SLC26A4: variants seen among roughly 807,000 people sequenced by gnomAD.
The protein encoded by SLC26A4 is pendrin.
Under a neutral mutation model 90.4 loss-of-function variants are expected in SLC26A4, and 93 were observed. That is an observed-to-expected ratio of 1.03 (90% CI 0.87 to 1.22). SLC26A4 has a LOEUF of 1.22. SLC26A4 is among the 50% of genes most tolerant of loss of function. The pLI, the probability that SLC26A4 is intolerant of heterozygous loss-of-function variation, is 0.00. For missense variants in SLC26A4, 1,127 were observed against 946.2 expected (o/e 1.19, Z -2.51); for synonymous variants, 393 against 354.6 (o/e 1.11, Z -1.22).
chr7:107,680,331 CTTA>C (rs1270277203), intron 6 of SLC26A4, among the ~76,000 whole-genome samples: 9 of 125,814 alleles, frequency 7.2e-5, no homozygotes, highest in Non-Finnish European at 1.0e-4. Flanking sequence ...ATAATCTTAT[CTTA>C]TTATATAATG....
At chr7:107,707,121 A>C (rs1792055568) in intron 18 of SLC26A4, among the ~76,000 whole-genome samples, 1 of 152,236 alleles carries the variant, frequency 6.6e-6, no homozygotes, top group Non-Finnish European at 1.5e-5. Flanking sequence ...TGGGTGACAG[A>C]GTGAGACCCT....
Position 107,715,429 on chromosome 7 carries a change from C to T in SLC26A4, c.2326C>T (p.Arg776Cys), listed in dbSNP as rs111033255. The change falls in exon 21 of 21, where the codon CGT becomes TGT. Residue 776 changes from arginine to cysteine, a missense_variant. Physicochemically the swap from Arg to Cys is radical, Grantham distance 180. Transcript: ENST00000644269. The part of the protein sequence containing the change: ...EELDVQDEAM[R>C]TLAS ...TTTCCCCTTGCTTCCACAGGCTATG[C>T]GTACACTTGCATCCTGAAAGTGGGT... 2.7e-3 allele frequency: 4,300 copies of T among 1,612,960 alleles called. 7 individuals carry two copies. Among genetic ancestry groups the T allele is most frequent in the Non-Finnish European group, 3.2e-3 (3,801 of 1,178,980 alleles).
rs1456064603 is a variant in SLC26A4, at chr7:107,717,668, A to G, written c.*2222A>G. 1.3e-5 allele frequency: 2 copies of G among 152,670 alleles called. No individual in the cohort carries two copies. Among genetic ancestry groups the G allele is most frequent in the African/African-American group, 2.4e-5 (1 of 41,468 alleles). The allele number at this position is 152,670 out of a possible 1,614,324, so 9.5% of individuals were successfully genotyped here. ...CTGCCTTTTGTTATATTTTTAACCT[A>G]TAGGATAAGATTCCAGTATTGTATA... On this transcript the variant is annotated 3_prime_UTR_variant, in exon 21 of 21. Transcript: ENST00000644269.
At chr7:107,674,044 G>A in intron 4 of SLC26A4, 120 bp from the exon 5 acceptor site, 1 of 1,086,130 alleles carries the variant, frequency 9.2e-7, no homozygotes, top group Non-Finnish European at 1.4e-6. Flanking sequence ...CTTCTTTCGT[G>A]AACAAACAAT....
intron 10 of SLC26A4, 95 bp downstream of exon 10, chr7:107,690,332 C>T: frequency 5.0e-6 from 4 of 804,332 alleles, no homozygotes; most frequent in Non-Finnish European, 8.8e-6. Context: ...GACAATTTGC[C>T]TTTCAGACTT....
In SLC26A4 at chr7:107,695,988, T is replaced by C; in HGVS notation, c.1493T>C (p.Leu498Ser). 1 of 1,613,156 alleles carries C rather than the reference T, an allele frequency of 6.2e-7. No homozygotes were observed. The highest frequency in any genetic ancestry group is 2.2e-5 in the East Asian group (1 of 44,872). Residue 498 changes from leucine (L) to serine (S), a missense_variant, in exon 13 of 21, where the codon TTA becomes TCA. Coordinates refer to ENST00000644269, the MANE Select transcript of SLC26A4 (RefSeq NM_000441.2). ...ATCATTCTGGGGCTGGATCTCGGTT[T>C]ACTAGCTGGCCTTATATTTGGACTG... ...VSIILGLDLGLLAGLIFGLLT... is the reference protein window; with the variant it reads ...VSIILGLDLGSLAGLIFGLLT...
chr7:107,711,785 T>G lies in SLC26A4; in HGVS notation c.2236-754T>G, dbSNP rs943281859. Among the ~76,000 whole-genome samples, 6 of 152,186 alleles carry G rather than the reference T, an allele frequency of 3.9e-5. No individual in the cohort carries two copies. The South Asian group carries it at 6.2e-4, about 16-fold the overall frequency. On this transcript the variant is annotated intron_variant, in intron 19 of 20. Transcript: ENST00000644269. Reference sequence around the variant, plus strand: ...TCACAGGACTATCTCAGGACACAACTTGTAGTTAGACTTATCCTCTACCTT... The same window carrying G: ...TCACAGGACTATCTCAGGACACAACGTGTAGTTAGACTTATCCTCTACCTT...
At position 107,696,047 on chromosome 7, in the gene SLC26A4, A is replaced by G. The variant is rs2129317169; in HGVS notation, c.1544+8A>G. On this transcript the variant is annotated splice_region_variant and intron_variant, in intron 13 of 20. Coordinates refer to ENST00000644269, the MANE Select transcript of SLC26A4 (RefSeq NM_000441.2). Reference sequence around the variant, plus strand: ...GGTCCTGAGAGTTCAGTTGTGAGTAACGTAAAACCCAGATTTCCTATAAAC... The same window carrying G: ...GGTCCTGAGAGTTCAGTTGTGAGTAGCGTAAAACCCAGATTTCCTATAAAC... 1 of 1,459,788 alleles carries G rather than the reference A, an allele frequency of 6.9e-7. No individual in the cohort carries two copies. The highest frequency in any genetic ancestry group is 2.3e-5 in the East Asian group (1 of 44,114). 90.4% of individuals were successfully genotyped at this position (1,459,788 alleles called of 1,614,324 possible).
intron 8 of SLC26A4, among the ~76,000 whole-genome samples, chr7:107,688,565 G>A (rs1283810521): frequency 1.3e-5 from 2 of 152,166 alleles, no homozygotes; most frequent in African/African-American, 2.4e-5. Context: ...GATTTTAAAT[G>A]TCCTGGCTCT....
intron 17 of SLC26A4, among the ~76,000 whole-genome samples, chr7:107,703,504 T>G (rs1473438541): frequency 2.0e-5 from 3 of 152,256 alleles, no homozygotes; most frequent in African/African-American, 7.2e-5. Flanking sequence ...TTAGCTCATT[T>G]GAAATCACTC....
intron 2 of SLC26A4, 28 bp from the exon 3 acceptor site, chr7:107,663,268 A>C (rs763399431): frequency 4.3e-6 from 7 of 1,614,130 alleles, no homozygotes; most frequent in Non-Finnish European, 5.9e-6. Flanking sequence ...GATTGGATTG[A>C]AAACCCAGTT....
intron 3 of SLC26A4, among the ~76,000 whole-genome samples, chr7:107,669,795 C>G (rs929057599): frequency 6.6e-6 from 1 of 152,194 alleles, no homozygotes; most frequent in Admixed American, 6.5e-5. Context: ...GAAGTCTCCT[C>G]TGATCCTACC....
At chr7:107,709,119 C>T (rs568891943) in intron 18 of SLC26A4, among the ~76,000 whole-genome samples, 7 of 152,224 alleles carry the variant, frequency 4.6e-5, no homozygotes, top group Non-Finnish European at 8.8e-5. Flanking sequence ...TGAAGTCCAG[C>T]GTAGATCCCT....
chr7:107,694,639 G>T lies in SLC26A4; in HGVS notation c.1360G>T (p.Val454Leu), dbSNP rs748069906. 1 of 1,613,442 alleles carries T rather than the reference G, an allele frequency of 6.2e-7. No individual in the cohort carries two copies. The highest frequency in any genetic ancestry group is 1.1e-5 in the South Asian group (1 of 91,078). Reference sequence around the variant, plus strand: ...TTGGCAGTCGGTCTTGGCAGCTGTTGTAATTGCCAACCTGAAAGGGATGTT... The same window carrying T: ...TTGGCAGTCGGTCTTGGCAGCTGTTTTAATTGCCAACCTGAAAGGGATGTT... ...PLQKSVLAAV[V>L]IANLKGMFMQ... The change falls in exon 12 of 21, where the codon GTA becomes TTA. Residue 454 changes from valine (V) to leucine (L), a missense_variant. Coordinates refer to ENST00000644269, the MANE Select transcript of SLC26A4 (RefSeq NM_000441.2).
intron 18 of SLC26A4, 77 bp downstream of exon 18, chr7:107,704,462 TTA>T: frequency 1.4e-6 from 1 of 693,290 alleles, no homozygotes. Flanking sequence ...TGTGGTCACA[TTA>T]TGTCTGAAGG....
chr7:107,685,574 C>T (rs1286789748), intron 8 of SLC26A4, among the ~76,000 whole-genome samples: 1 of 152,200 alleles, frequency 6.6e-6, no homozygotes, highest in Non-Finnish European at 1.5e-5. Flanking sequence ...TCCCCAATAA[C>T]AATGCCCCAT....
intron 18 of SLC26A4, among the ~76,000 whole-genome samples, chr7:107,709,443 G>C: frequency 6.6e-6 from 1 of 152,100 alleles, no homozygotes; most frequent in East Asian, 1.9e-4. Flanking sequence ...GCTAATTTTT[G>C]TATTTTTTTA....
chr7:107,699,967 T>C (rs1035494112), intron 14 of SLC26A4, 116 bp from the exon 15 acceptor site: 11 of 724,476 alleles, frequency 1.5e-5, no homozygotes, highest in Middle Eastern at 2.4e-4. Context: ...AGTTGAGTGC[T>C]GCTACCCAGC....
intron 13 of SLC26A4, among the ~76,000 whole-genome samples, chr7:107,697,537 C>G (rs1386064174): frequency 6.6e-6 from 1 of 152,186 alleles, no homozygotes; most frequent in East Asian, 1.9e-4. Context: ...ACAGGAAGGA[C>G]TTATTTCTGG....
Sources: allele counts gnomAD v4.1 joint callset (sites outside exome capture counted in the v4.1 genomes callset), GRCh38; gene constraint gnomAD v4.1.1; transcripts MANE v1.5; gene names NCBI Gene and HGNC (gene_info 2026-07-23, HGNC 2026-07-21).